The following MBP variants were observed in gnomAD, a reference collection of about 807,000 sequenced individuals.
MBP encodes myelin basic protein.
A neutral mutation model predicts 35.8 loss-of-function variants in MBP; 16 were observed. The observed-to-expected ratio is 0.45, with a 90% CI of 0.30 to 0.68. The LOEUF is 0.68. Among genes scored for constraint, MBP ranks in the 30% least tolerant of loss-of-function variants. The pLI is 0.08. For synonymous variants in MBP, 143 were observed against 159.6 expected (o/e 0.90, Z 0.78); for missense variants, 380 against 404.7 (o/e 0.94, Z 0.52).
chr18:77,105,512 A>G (rs1374458121), intron 1 of MBP, among the ~76,000 whole-genome samples: 1 of 152,210 alleles, frequency 6.6e-6, no homozygotes, highest in African/African-American at 2.4e-5. Context: ...CCAACATCCA[A>G]ATTCTGTTCA....
At position 77,017,174 on chromosome 18, in the gene MBP, C is replaced by A. The variant is rs1169288186; in HGVS notation, c.234G>T (p.Gln78His). The stretch of plus-strand genomic sequence containing the variant: ...TCCCTGGGTCAGCTGGGTGGGCATC[C>A]TGCCAGGCATTCTTCGGGTCCGCTG... ...KRTADPKNAW[Q>H]DAHPADPGSR... Residue 78 changes from glutamine to histidine, a missense_variant, in exon 4 of 9, where the codon CAG (glutamine) becomes CAT (histidine). Coordinates refer to ENST00000355994, the MANE Select transcript of MBP (RefSeq NM_001025101.2). 2 of 1,545,626 alleles carry A rather than the reference C, an allele frequency of 1.3e-6. No homozygotes were observed. The highest frequency in any genetic ancestry group is 4.0e-5 in the Admixed American group (2 of 50,556).
At chr18:77,072,397 A>C (rs575610595) in intron 2 of MBP, among the ~76,000 whole-genome samples, 11 of 152,328 alleles carry the variant, frequency 7.2e-5, no homozygotes, top group African/African-American at 2.6e-4. Context: ...GATCTGCAAC[A>C]CATGTACGTC....
intron 4 of MBP, among the ~76,000 whole-genome samples, chr18:77,011,134 C>T (rs1368297384): frequency 2.6e-5 from 4 of 152,160 alleles, no homozygotes; most frequent in East Asian, 1.9e-4. Context: ...CTTAGCTGTA[C>T]GTCTCCTGAT....
chr18:77,118,401 T>C lies in MBP; in HGVS notation c.-25-13115A>G, dbSNP rs907951253. 7.9e-5 allele frequency among the ~76,000 whole-genome samples: 12 copies of C among 151,928 alleles called. 1 individual carries two copies. Among genetic ancestry groups the C allele is most frequent in the African/African-American group, 2.7e-4 (11 of 41,308 alleles). On this transcript the variant is annotated intron_variant, in intron 1 of 8. Coordinates refer to ENST00000355994, the MANE Select transcript of MBP (RefSeq NM_001025101.2). The stretch of plus-strand genomic sequence containing the variant: ...CCCAGCAGTTGGCACAGGACAGGCC[T>C]GTTCAGGTTTTAGCACAGTCGGCCA...
intron 2 of MBP, among the ~76,000 whole-genome samples, chr18:77,085,588 C>T (rs758885199): frequency 2.6e-5 from 4 of 151,834 alleles, no homozygotes; most frequent in Non-Finnish European, 5.9e-5. Flanking sequence ...TGTCATTCAT[C>T]TTCTGATTGT....
At chr18:77,108,702 T>G (rs1292614367) in intron 1 of MBP, 1 of 152,254 alleles carries the variant, frequency 6.6e-6, no homozygotes, top group Non-Finnish European at 1.5e-5. Flanking sequence ...TTTTTAATAA[T>G]GTACACCTAA....
In MBP at chr18:77,100,553, G is replaced by T. The variant is rs113284165; in HGVS notation, c.51+4658C>A. Among the ~76,000 whole-genome samples the T allele has an allele frequency of 1.5e-3, 190 of 123,762 alleles. 1 individual carries two copies. Among genetic ancestry groups the T allele is most frequent in the East Asian group, 4.3e-3 (20 of 4,602 alleles). 81.2% of individuals were successfully genotyped at this position (123,762 alleles called of 152,430 possible). A position where few individuals can be genotyped will look rare whatever the true frequency, so the allele number is the denominator to read the frequency against. ...TGTGTGTGTGTGTGTGTGTTTTGTG[G>T]TTTTTTCTTTTTTTTGAGACAGGGT... On this transcript the variant is annotated intron_variant, in intron 2 of 8. Transcript: ENST00000355994.
chr18:77,110,160 A>T (rs1359610402), intron 1 of MBP: 2 of 152,256 alleles, frequency 1.3e-5, no homozygotes, highest in African/African-American at 4.8e-5. Context: ...TATTTTAGTT[A>T]TGAACAGAGT....
intron 2 of MBP, among the ~76,000 whole-genome samples, chr18:77,070,721 A>T (rs1974404316): frequency 6.6e-6 from 1 of 152,060 alleles, no homozygotes; most frequent in Non-Finnish European, 1.5e-5. Flanking sequence ...AGGTGACAGG[A>T]GGGGCCCTGG....
rs921570423 is a variant in MBP, at chr18:77,093,672, C to T, written c.51+11539G>A. On this transcript the variant is annotated intron_variant, in intron 2 of 8. Coordinates refer to ENST00000355994, the MANE Select transcript of MBP (RefSeq NM_001025101.2). ...CTGACTCAAAACGTTTGAGAGGCTG[C>T]TATCAAGGGTGAACCTCGTAAGATT... Among the ~76,000 whole-genome samples, 3 of 152,190 alleles carry T rather than the reference C, an allele frequency of 2.0e-5. No individual in the cohort carries two copies. In the East Asian group the frequency reaches 5.8e-4, roughly 29 times the overall value.
At chr18:77,070,897 C>A (rs1378716887) in intron 2 of MBP, among the ~76,000 whole-genome samples, 1 of 152,216 alleles carries the variant, frequency 6.6e-6, no homozygotes, top group East Asian at 1.9e-4. Context: ...TTTGAGGACC[C>A]CGCTCAGGTG....
intron 3 of MBP, among the ~76,000 whole-genome samples, chr18:77,046,246 T>C (rs1973250858): frequency 6.6e-6 from 1 of 152,222 alleles, no homozygotes. Flanking sequence ...GATGAGGCTA[T>C]TACTCTGCCT....
At chr18:77,014,614 CCCAATGAATACCCCAGATTTTTAGGG>C in intron 4 of MBP, 1 of 985,454 alleles carries the variant, frequency 1.0e-6, no homozygotes, top group Non-Finnish European at 1.2e-6. Context: ...TGGCAGCCCA[CCCAATGAATACCCCAGATTTTTAGGG>C]CCATTGCGGG....
chr18:77,129,101 C>G (rs1410481185), intron 1 of MBP, among the ~76,000 whole-genome samples: 1 of 152,166 alleles, frequency 6.6e-6, no homozygotes, highest in Non-Finnish European at 1.5e-5. Context: ...ATATTTTACT[C>G]TTGAGTGGCT....
intron 3 of MBP, among the ~76,000 whole-genome samples, chr18:77,043,744 G>T (rs1204350304): frequency 6.6e-6 from 1 of 152,198 alleles, no homozygotes; most frequent in Non-Finnish European, 1.5e-5. Flanking sequence ...TTGCGGCGTG[G>T]TGAGTAAAAC....
chr18:77,047,795 G>A (rs1973317175), intron 3 of MBP, among the ~76,000 whole-genome samples: 2 of 152,182 alleles, frequency 1.3e-5, no homozygotes, highest in African/African-American at 4.8e-5. Flanking sequence ...GGGAGAACTA[G>A]AGATATATTT....
At chr18:77,123,608 C>T (rs1028496336) in intron 1 of MBP, among the ~76,000 whole-genome samples, 4 of 152,232 alleles carry the variant, frequency 2.6e-5, no homozygotes, top group African/African-American at 9.6e-5. Flanking sequence ...GACCCCAAGA[C>T]TGTGGGGTGG....
At chr18:77,104,156 G>A (rs914585454) in intron 2 of MBP, among the ~76,000 whole-genome samples, 1 of 152,208 alleles carries the variant, frequency 6.6e-6, no homozygotes, top group African/African-American at 2.4e-5. Flanking sequence ...AGGACTTCCT[G>A]GAAGTTCTAG....
At chr18:77,132,419 C>A (rs184993199) in intron 1 of MBP, among the ~76,000 whole-genome samples, 161 bp downstream of exon 1, 59 of 152,296 alleles carry the variant, frequency 3.9e-4, no homozygotes, top group African/African-American at 1.3e-3. Flanking sequence ...AGAAAGGGAC[C>A]CGGAGTCCGG....
Sources: gnomAD v4.1 joint callset for allele counts (sites outside exome capture counted in the v4.1 genomes callset) on GRCh38, gnomAD v4.1.1 for gene constraint, MANE v1.5 for transcripts, NCBI Gene and HGNC (gene_info 2026-07-23, HGNC 2026-07-21) for gene names.